Variants in POC5 observed in about 807,000 individuals in gnomAD.
POC5 encodes the protein centrosomal protein POC5.
A neutral mutation model predicts 62.9 loss-of-function variants in POC5; 48 were observed. The observed-to-expected ratio is 0.76, with a 90% CI of 0.61 to 0.97. The LOEUF is 0.97. Ranked by LOEUF, POC5 falls within the 50% of genes least tolerant of loss-of-function variation. The pLI, the probability that POC5 is intolerant of heterozygous loss-of-function variation, is 0.00. For synonymous variants in POC5, 236 were observed against 228.2 expected (o/e 1.03, Z -0.31); for missense variants, 696 against 679.5 (o/e 1.02, Z -0.27).
At chr5:75,683,230 A>T (rs1775937413) in intron 10 of POC5, among the ~76,000 whole-genome samples, 1 of 98,390 alleles carries the variant, frequency 1.0e-5, no homozygotes, top group Admixed American at 1.2e-4. Flanking sequence ...GAAAGAAGTT[A>T]ACAGTGTTGT....
At chr5:75,688,670 A>C (rs1776194082) in intron 9 of POC5, among the ~76,000 whole-genome samples, 1 of 152,222 alleles carries the variant, frequency 6.6e-6, no homozygotes, top group African/African-American at 2.4e-5. Flanking sequence ...CTACTTAAGA[A>C]AAGACAAAAT....
At chr5:75,694,530 G>A (rs1776476929) in intron 6 of POC5, 125 bp downstream of exon 6, 2 of 764,638 alleles carry the variant, frequency 2.6e-6, no homozygotes, top group Non-Finnish European at 3.9e-6. Flanking sequence ...CAATGGCTAT[G>A]AATTTTTCTG....
At chr5:75,714,753 A>G (rs1233665127) in intron 1 of POC5, among the ~76,000 whole-genome samples, 1 of 152,252 alleles carries the variant, frequency 6.6e-6, no homozygotes, top group East Asian at 1.9e-4. Context: ...AGCTGCAAGT[A>G]TGCAGTCTGT....
chr5:75,687,769 A>T (rs992764853), intron 9 of POC5, among the ~76,000 whole-genome samples: 1 of 152,236 alleles, frequency 6.6e-6, no homozygotes, highest in African/African-American at 2.4e-5. Flanking sequence ...AAGTTCTAAT[A>T]GGAATTTGTC....
intron 11 of POC5, 45 bp downstream of exon 11, chr5:75,677,729 C>T: frequency 6.7e-7 from 1 of 1,482,066 alleles, no homozygotes; most frequent in South Asian, 1.5e-5. Flanking sequence ...TATGAACTCT[C>T]AGGAAAAAGA....
intron 4 of POC5, among the ~76,000 whole-genome samples, chr5:75,704,943 T>C (rs1308889435): frequency 1.3e-5 from 2 of 152,248 alleles, no homozygotes; most frequent in East Asian, 3.8e-4. Flanking sequence ...CTCATGCCTG[T>C]AATCCCAGCA....
In POC5 at chr5:75,690,539, G is replaced by A; in HGVS notation, c.819C>T (p.Asp273=). 3 of 1,588,374 alleles carry A rather than the reference G, an allele frequency of 1.9e-6. No individual in the cohort carries two copies. The highest frequency in any genetic ancestry group is 2.6e-6 in the Non-Finnish European group (3 of 1,166,396). The change falls in exon 8 of 12, where the codon GAC becomes GAT. Residue 273 remains aspartate, a synonymous_variant. Transcript: ENST00000428202. ...RQDVYEGKLA[D]QYYQRTLLKK... ...TCAGTAAAGTTCTCTGGTAGTACTG[G>A]TCAGCTAGTTTACCTTCATAAACCT...
chr5:75,716,603 A>G (rs971981199), intron 1 of POC5, among the ~76,000 whole-genome samples: 1 of 152,248 alleles, frequency 6.6e-6, no homozygotes, highest in Non-Finnish European at 1.5e-5. Context: ...GTTCAGAAAC[A>G]AAGGAGAAAA....
Position 75,702,668 on chromosome 5 carries a change from A to G in POC5, c.450T>C (p.Leu150=), listed in dbSNP as rs747161321. ...TCTTCTGAAGGTTTTCATCAGAAACAAGAAAATCGCTCACAAGTATTTCAT... is the reference window on the plus strand; with the variant it reads ...TCTTCTGAAGGTTTTCATCAGAAACGAGAAAATCGCTCACAAGTATTTCAT... ...DAHEILVSDF[L]VSDENLQKME... The change falls in exon 5 of 12, where the codon CTT becomes CTC. Residue 150 remains leucine (L), a synonymous_variant. Transcript: ENST00000428202. 8 of 1,612,886 alleles carry G rather than the reference A, an allele frequency of 5.0e-6. No individual in the cohort carries two copies. The highest frequency in any genetic ancestry group is 6.8e-6 in the Non-Finnish European group (8 of 1,179,444).
intron 10 of POC5, among the ~76,000 whole-genome samples, chr5:75,684,011 A>G (rs1029368332): frequency 1.4e-4 from 21 of 152,118 alleles, no homozygotes; most frequent in Non-Finnish European, 2.6e-4. Context: ...GCCTCTTACC[A>G]TATTAACAGC....
intron 7 of POC5, 121 bp downstream of exon 7, chr5:75,692,275 G>C: frequency 1.6e-6 from 1 of 616,436 alleles, no homozygotes; most frequent in Non-Finnish European, 2.5e-6. Context: ...TTTGAAATAA[G>C]AGGAACATTA....
At chr5:75,676,856 AT>A (rs1775683718) in intron 11 of POC5, among the ~76,000 whole-genome samples, 2 of 151,608 alleles carry the variant, frequency 1.3e-5, no homozygotes, top group East Asian at 1.9e-4. Context: ...AAATAAATAA[AT>A]AAATAAATAA....
At chr5:75,700,675 T>C (rs1776835124) in intron 5 of POC5, among the ~76,000 whole-genome samples, 2 of 148,780 alleles carry the variant, frequency 1.3e-5, no homozygotes, top group African/African-American at 2.5e-5. Context: ...ACTTCATGTC[T>C]AAAACACCAA....
chr5:75,710,986 T>C lies in POC5; in HGVS notation c.84+1868A>G, dbSNP rs79777600. On this transcript the variant is annotated intron_variant, in intron 2 of 11. Coordinates refer to ENST00000428202, the MANE Select transcript of POC5 (RefSeq NM_001099271.2). ...TATTTCAAATCATATACTTCATACA[T>C]ATTCATATATTTCATATATTTTACC... Among the ~76,000 whole-genome samples the C allele has an allele frequency of 4.8e-3, 728 of 152,352 alleles. 7 individuals are homozygous for C. Among genetic ancestry groups the C allele is most frequent in the African/African-American group, 0.015 (643 of 41,578 alleles).
Position 75,712,870 on chromosome 5 carries a change from A to G in POC5, c.68T>C (p.Val23Ala). ...TTTTCCTACCTGAAGATTCGAAGAG[A>G]CAGAACTGCCTCGACTGGAGTCATT... ...VQNDSSRGSS[V>A]SSNLQEEYEE... The change falls in exon 2 of 12, where the codon GTC (valine) becomes GCC (alanine). Residue 23 changes from valine (V) to alanine (A), a missense_variant. Val to Ala is a moderately conservative substitution (Grantham distance 64). Transcript: ENST00000428202. 1 of 1,611,046 alleles carries G rather than the reference A, an allele frequency of 6.2e-7. No individual in the cohort carries two copies.
intron 2 of POC5, among the ~76,000 whole-genome samples, chr5:75,710,843 T>C (rs1285327106): frequency 1.3e-5 from 2 of 152,122 alleles, no homozygotes; most frequent in Admixed American, 6.5e-5. Flanking sequence ...AGTTAGCCTA[T>C]CACCACCTCT....
rs767857151 is a variant in POC5, at chr5:75,685,203, T to C, written c.1407+4A>G. The C allele has an allele frequency of 1.9e-6, 3 of 1,602,580 alleles. No homozygotes were observed. Among genetic ancestry groups the C allele is most frequent in the East Asian group, 4.5e-5 (2 of 44,532 alleles). ...AAGGTGGGACCTGTATAAACTGTACTAACCATTTCTTCTGATGCAGCAGTA... is the reference window on the plus strand; with the variant it reads ...AAGGTGGGACCTGTATAAACTGTACCAACCATTTCTTCTGATGCAGCAGTA... On this transcript the variant is annotated splice_donor_region_variant and intron_variant, in intron 10 of 11. Transcript: ENST00000428202.
rs978952716 is a variant in POC5 at position 75,685,227 on chromosome 5, T to C, written c.1387A>G (p.Thr463Ala). The change falls in exon 10 of 12, where the codon ACT becomes GCT. Residue 463 changes from threonine to alanine, a missense_variant. Physicochemically the swap from Thr to Ala is moderately conservative, Grantham distance 58. Transcript: ENST00000428202. ...CTAACCATTTCTTCTGATGCAGCAGTAGCTGCAGATCCTGCACCAAGAGCA... is the reference window on the plus strand; with the variant it reads ...CTAACCATTTCTTCTGATGCAGCAGCAGCTGCAGATCCTGCACCAAGAGCA... ...VSALGAGSAA[T>A]AASEEMYVPR... 1 of 1,613,226 alleles carries C rather than the reference T, an allele frequency of 6.2e-7. No homozygotes were observed. The highest frequency in any genetic ancestry group is 8.5e-7 in the Non-Finnish European group (1 of 1,179,498).
chr5:75,677,003 T>A (rs1313468659), intron 11 of POC5, among the ~76,000 whole-genome samples: 2 of 152,322 alleles, frequency 1.3e-5, no homozygotes, highest in East Asian at 3.9e-4. Flanking sequence ...TTTCAGTAAG[T>A]TAAATTTGCT....
Sources: gnomAD v4.1 joint callset for allele counts (sites outside exome capture counted in the v4.1 genomes callset) on GRCh38, gnomAD v4.1.1 for gene constraint, MANE v1.5 for transcripts, NCBI Gene and HGNC (gene_info 2026-07-23, HGNC 2026-07-21) for gene names.